The following MBD5 variants were observed in gnomAD, a reference collection of about 807,000 sequenced individuals.
MBD5 encodes methyl-CpG-binding domain protein 5.
A neutral mutation model predicts 117.3 loss-of-function variants in MBD5; 13 were observed. That is an observed-to-expected ratio of 0.11 (90% CI 0.07 to 0.18). The LOEUF (loss-of-function observed/expected upper bound fraction) is 0.18. Ranked by LOEUF, MBD5 falls within the 10% of genes least tolerant of loss-of-function variation. MBD5 has a pLI of 1.00. For synonymous variants in MBD5, 727 were observed against 766.4 expected (o/e 0.95, Z 0.85); for missense variants, 1,879 against 2,093.8 (o/e 0.90, Z 2.00).
intron 1 of MBD5, among the ~76,000 whole-genome samples, chr2:148,165,041 A>G (rs1051001086): frequency 1.3e-5 from 2 of 152,202 alleles, no homozygotes; most frequent in African/African-American, 4.8e-5. Context: ...GTTCTCAGTT[A>G]TAACTTTCCT....
At chr2:148,354,289 C>T (rs745774069) in intron 4 of MBD5, among the ~76,000 whole-genome samples, 1 of 151,994 alleles carries the variant, frequency 6.6e-6, no homozygotes, top group Non-Finnish European at 1.5e-5. Context: ...CAACAGGCCC[C>T]AGTGTGTGAT....
intron 12 of MBD5, 116 bp from the exon 13 acceptor site, chr2:148,509,944 G>A: frequency 5.3e-6 from 4 of 754,480 alleles, no homozygotes; most frequent in Non-Finnish European, 9.4e-6. Context: ...TTCCAAACGC[G>A]AGTATAAATT....
intron 4 of MBD5, among the ~76,000 whole-genome samples, chr2:148,354,466 TAG>T (rs1325626160): frequency 1.3e-5 from 2 of 152,224 alleles, no homozygotes; most frequent in Non-Finnish European, 2.9e-5. Context: ...TATGGCTGCA[TAG>T]TATTCCAGGG....
chr2:148,411,482 C>G (rs1392667514), intron 4 of MBD5, among the ~76,000 whole-genome samples: 5 of 139,560 alleles, frequency 3.6e-5, no homozygotes, highest in African/African-American at 1.1e-4. Context: ...TAAGCATTCA[C>G]TTTTCTCCGG....
intron 1 of MBD5, among the ~76,000 whole-genome samples, chr2:148,023,432 A>G (rs971130621): frequency 2.0e-5 from 3 of 152,230 alleles, no homozygotes; most frequent in South Asian, 2.1e-4. Flanking sequence ...AAAAAGCTTT[A>G]TAGCAGTAAA....
chr2:148,293,170 A>AT (rs1701541201), intron 3 of MBD5, among the ~76,000 whole-genome samples: 1 of 151,022 alleles, frequency 6.6e-6, no homozygotes, highest in African/African-American at 2.4e-5. Context: ...AAAAAAAAAA[A>AT]ATTAGCCAGG....
intron 4 of MBD5, among the ~76,000 whole-genome samples, chr2:148,438,548 TG>T (rs1409137890): frequency 6.6e-6 from 1 of 152,232 alleles, no homozygotes; most frequent in African/African-American, 2.4e-5. Flanking sequence ...GAAGGATATT[TG>T]GCTTCTTGAT....
At chr2:148,368,086 T>A (rs964676233) in intron 4 of MBD5, among the ~76,000 whole-genome samples, 1 of 152,166 alleles carries the variant, frequency 6.6e-6, no homozygotes, top group Non-Finnish European at 1.5e-5. Context: ...CAAATGCTCG[T>A]CAGTGATAGA....
chr2:148,516,739 G>A lies in MBD5; in HGVS notation c.*3798G>A, dbSNP rs1444695679. ...ATCTTCAAATATGAAAGATTAATTTGTATCTACTGTAAATATGTATTACCA... is the reference window on the plus strand; with the variant it reads ...ATCTTCAAATATGAAAGATTAATTTATATCTACTGTAAATATGTATTACCA... On this transcript the variant is annotated 3_prime_UTR_variant, in exon 14 of 14. Transcript: ENST00000642680. 3 of 152,142 alleles carry A rather than the reference G, an allele frequency of 2.0e-5. No homozygotes were observed. Among genetic ancestry groups the A allele is most frequent in the Non-Finnish European group, 4.4e-5 (3 of 68,018 alleles). 9.4% of individuals were successfully genotyped at this position (152,142 alleles called of 1,614,324 possible).
At chr2:148,245,080 C>G (rs1700304329) in intron 3 of MBD5, among the ~76,000 whole-genome samples, 1 of 152,168 alleles carries the variant, frequency 6.6e-6, no homozygotes, top group South Asian at 2.1e-4. Flanking sequence ...TTGAATCTAA[C>G]TTGTTAGCAA....
At chr2:148,217,110 C>A (rs2106045207) in intron 2 of MBD5, among the ~76,000 whole-genome samples, 1 of 152,230 alleles carries the variant, frequency 6.6e-6, no homozygotes, top group East Asian at 1.9e-4. Context: ...GATCCCTGCC[C>A]AAATTTAAGA....
intron 3 of MBD5, among the ~76,000 whole-genome samples, chr2:148,330,051 CACA>C (rs1193612416): frequency 0.012 from 368 of 31,142 alleles, 28 homozygotes; most frequent in Non-Finnish European, 0.022. Flanking sequence ...CCGCCCCCCC[CACA>C]CACACACACA....
chr2:148,362,089 G>A (rs1026433566), intron 4 of MBD5, among the ~76,000 whole-genome samples: 3 of 152,186 alleles, frequency 2.0e-5, no homozygotes, highest in African/African-American at 4.8e-5. Context: ...GCTAGCTGCC[G>A]GAGTTTTTTT....
At chr2:148,030,355 T>C (rs1211653619) in intron 1 of MBD5, among the ~76,000 whole-genome samples, 1 of 152,096 alleles carries the variant, frequency 6.6e-6, no homozygotes, top group Non-Finnish European at 1.5e-5. Flanking sequence ...AACTTAGATT[T>C]ATAGTTTAAA....
chr2:148,472,686 A>T (rs552690761), intron 8 of MBD5, among the ~76,000 whole-genome samples: 13 of 152,258 alleles, frequency 8.5e-5, no homozygotes, highest in South Asian at 4.1e-4. Context: ...GGCATTCAGA[A>T]TGAGACAGTA....
At chr2:148,100,197 G>A (rs972426395) in intron 1 of MBD5, among the ~76,000 whole-genome samples, 1 of 152,126 alleles carries the variant, frequency 6.6e-6, no homozygotes, top group African/African-American at 2.4e-5. Context: ...GAGGAAGAAT[G>A]TGCCCCAGGC....
chr2:148,291,166 T>C (rs2106427768), intron 3 of MBD5, among the ~76,000 whole-genome samples: 1 of 152,300 alleles, frequency 6.6e-6, no homozygotes, highest in South Asian at 2.1e-4. Flanking sequence ...TTTAAAATGG[T>C]GTGTTTGGGC....
At chr2:148,034,000 G>A (rs966629086) in intron 1 of MBD5, among the ~76,000 whole-genome samples, 34 of 152,146 alleles carry the variant, frequency 2.2e-4, no homozygotes, top group African/African-American at 8.2e-4. Context: ...ATGTTTGACA[G>A]CCTGGGCACC....
intron 8 of MBD5, 111 bp from the exon 9 acceptor site, chr2:148,482,999 G>T (rs1401231196): frequency 1.7e-6 from 2 of 1,183,894 alleles, no homozygotes; most frequent in South Asian, 2.7e-5. Context: ...ATCAATGAAG[G>T]TGCCATGGAA....
Sources: allele counts gnomAD v4.1 joint callset (sites outside exome capture counted in the v4.1 genomes callset), GRCh38; gene constraint gnomAD v4.1.1; transcripts MANE v1.5; gene names NCBI Gene and HGNC (gene_info 2026-07-23, HGNC 2026-07-21).